TANC1: variants seen among roughly 807,000 people sequenced by gnomAD.
The protein encoded by TANC1 is protein TANC1.
TANC1 carries 77 observed loss-of-function variants against 149.7 expected under a neutral mutation model. That is an observed-to-expected ratio of 0.51 (90% CI 0.43 to 0.62). The LOEUF (loss-of-function observed/expected upper bound fraction) is 0.62, where lower values mean the gene tolerates loss of function less well. Ranked by LOEUF, TANC1 falls within the 20% of genes least tolerant of loss-of-function variation. The pLI is 0.00. For missense variants in TANC1, 1,985 were observed against 2,321.8 expected (o/e 0.85, Z 2.98); for synonymous variants, 854 against 925.0 (o/e 0.92, Z 1.39).
In TANC1 at chr2:159,169,360, C is replaced by T. The variant is rs1330347526; in HGVS notation, c.1057C>T (p.Gln353Ter). 4 of 1,613,632 alleles carry T rather than the reference C, an allele frequency of 2.5e-6. No individual in the cohort carries two copies. In the Admixed American group the frequency reaches 6.7e-5, roughly 27 times the overall value. Residue 353 changes from glutamine (Q) to a stop codon, truncating the protein, a stop_gained, in exon 9 of 27, where the codon CAG (glutamine) becomes TAG (stop). Transcript: ENST00000263635. LOFTEE classifies it high-confidence loss of function. ...GCACAATACGGCCGGAGGTAGGGCA[C>T]AGGAAGTTAAAGGTATTTATCCTGG... Reference protein sequence around the residue: ...PWHNTAGGRAQEVKARFAPYK... With the variant: ...PWHNTAGGRA
chr2:159,225,022 C>T (rs1244134815), intron 23 of TANC1: 2 of 157,600 alleles, frequency 1.3e-5, no homozygotes, highest in African/African-American at 4.8e-5. Context: ...GTGCCAGGAA[C>T]TATCCAAGCA....
Position 159,219,705 on chromosome 2 carries a change from T to C in TANC1, c.3516T>C (p.Ser1172=). The C allele has an allele frequency of 1.2e-6, 2 of 1,614,258 alleles. No individual in the cohort carries two copies. Among genetic ancestry groups the C allele is most frequent in the Non-Finnish European group, 1.7e-6 (2 of 1,180,044 alleles). The change falls in exon 22 of 27, where the codon TCT becomes TCC. Residue 1172 remains serine (S), a synonymous_variant. Transcript: ENST00000263635. ...CTTTCCTTTCAGGTGCAGCCCTTTC[T>C]TCTCTAGACAAAGAGGGTCTGTCAG... ...EFLLSKGAAL[S]SLDKEGLSAL... is the part of the protein sequence containing the mutation.
At chr2:159,029,468 C>T (rs1213471799) in intron 2 of TANC1, among the ~76,000 whole-genome samples, 2 of 152,180 alleles carry the variant, frequency 1.3e-5, no homozygotes, top group Admixed American at 1.3e-4. Context: ...GGGTTCTTTC[C>T]TGTCTAGGCA....
At chr2:159,031,123 G>A (rs1978406) in intron 2 of TANC1, among the ~76,000 whole-genome samples, 4 of 152,222 alleles carry the variant, frequency 2.6e-5, no homozygotes, top group Non-Finnish European at 5.9e-5. Context: ...AACTGAGCTA[G>A]AGGGTGATTT....
At chr2:159,086,694 C>T (rs1278108752) in intron 3 of TANC1, among the ~76,000 whole-genome samples, 1 of 152,086 alleles carries the variant, frequency 6.6e-6, no homozygotes, top group Non-Finnish European at 1.5e-5. Flanking sequence ...TTTTATAAAA[C>T]ATGTCAGAAT....
rs978222522 is a variant in TANC1 at position 159,137,559 on chromosome 2, G to T, written c.364+1261G>T. On this transcript the variant is annotated intron_variant, in intron 5 of 26. Transcript: ENST00000263635. ...ACCGAATGTTGCTGGTGAAGGTGGA[G>T]ATTCCACTGTGGTGTCTGGTTAGGA... Among the ~76,000 whole-genome samples the T allele has an allele frequency of 2.6e-5, 4 of 152,324 alleles. 1 individual carries two copies. The highest frequency in any genetic ancestry group is 4.1e-4 in the South Asian group (2 of 4,824).
chr2:159,183,219 G>C (rs2056665170), intron 14 of TANC1, among the ~76,000 whole-genome samples: 1 of 152,236 alleles, frequency 6.6e-6, no homozygotes, highest in South Asian at 2.1e-4. Context: ...GTGTGGCATT[G>C]CTCTTGGGAA....
At chr2:158,977,353 C>A (rs2033810566) in intron 1 of TANC1, among the ~76,000 whole-genome samples, 1 of 151,832 alleles carries the variant, frequency 6.6e-6, no homozygotes, top group Admixed American at 6.6e-5. Flanking sequence ...CTCTGTTGCC[C>A]AGGTTGGAGT....
intron 4 of TANC1, among the ~76,000 whole-genome samples, chr2:159,114,780 C>T (rs1473385959): frequency 1.3e-5 from 2 of 152,194 alleles, no homozygotes; most frequent in African/African-American, 4.8e-5. Context: ...AGCTCTTACT[C>T]CCCCAGTTCT....
At chr2:159,181,874 G>A (rs1464505774) in intron 14 of TANC1, among the ~76,000 whole-genome samples, 1 of 152,038 alleles carries the variant, frequency 6.6e-6, no homozygotes, top group East Asian at 1.9e-4. Flanking sequence ...CCCTAGGTTA[G>A]CATTCCAGAA....
intron 4 of TANC1, among the ~76,000 whole-genome samples, chr2:159,101,223 A>G (rs1253879796): frequency 6.6e-6 from 1 of 152,236 alleles, no homozygotes; most frequent in Admixed American, 6.5e-5. Context: ...ACTCTTCACT[A>G]ATTGATGCTA....
chr2:159,168,102 T>C (rs2054793487), intron 8 of TANC1, among the ~76,000 whole-genome samples: 1 of 152,188 alleles, frequency 6.6e-6, no homozygotes, highest in Non-Finnish European at 1.5e-5. Context: ...AGATCAACAG[T>C]ACTTCATGTT....
intron 3 of TANC1, among the ~76,000 whole-genome samples, chr2:159,068,698 A>AG (rs1347947293): frequency 9.9e-5 from 15 of 152,186 alleles, no homozygotes; most frequent in Admixed American, 3.9e-4. Context: ...TATGTATATA[A>AG]GGATATTTGC....
chr2:159,037,874 T>C (rs1201391387), intron 2 of TANC1, among the ~76,000 whole-genome samples: 1 of 152,242 alleles, frequency 6.6e-6, no homozygotes, highest in African/African-American at 2.4e-5. Context: ...TAAGGGAGTT[T>C]TTTCCAATTC....
intron 14 of TANC1, among the ~76,000 whole-genome samples, chr2:159,181,942 C>T (rs549015540): frequency 5.9e-5 from 9 of 152,054 alleles, no homozygotes; most frequent in South Asian, 2.1e-4. Context: ...GGCTTACGTG[C>T]GTAATCCTAG....
At chr2:159,208,490 G>C (rs1026684884) in intron 19 of TANC1, among the ~76,000 whole-genome samples, 4 of 152,202 alleles carry the variant, frequency 2.6e-5, no homozygotes, top group Non-Finnish European at 5.9e-5. Flanking sequence ...TTACAGTAGA[G>C]TTTGTAACAT....
At chr2:159,039,809 G>C (rs1363907866) in intron 2 of TANC1, among the ~76,000 whole-genome samples, 1 of 152,222 alleles carries the variant, frequency 6.6e-6, no homozygotes, top group Non-Finnish European at 1.5e-5. Context: ...ATGTGGTGCT[G>C]AGAAGAATGT....
chr2:159,109,305 C>G (rs1019880435), intron 4 of TANC1, among the ~76,000 whole-genome samples: 5 of 152,116 alleles, frequency 3.3e-5, no homozygotes, highest in African/African-American at 1.2e-4. Context: ...GGTGTTTCTT[C>G]CTCTGAAACA....
chr2:159,054,278 C>T (rs2041686615), intron 2 of TANC1, among the ~76,000 whole-genome samples: 1 of 152,174 alleles, frequency 6.6e-6, no homozygotes, highest in African/African-American at 2.4e-5. Context: ...TGGAGATTAA[C>T]AGTACCTTCC....
Sources: gnomAD v4.1 joint callset for allele counts (sites outside exome capture counted in the v4.1 genomes callset) on GRCh38, gnomAD v4.1.1 for gene constraint, MANE v1.5 for transcripts, NCBI Gene and HGNC (gene_info 2026-07-23, HGNC 2026-07-21) for gene names.